TBXAS1: variants seen among roughly 807,000 people sequenced by gnomAD.
TBXAS1 encodes the protein thromboxane A synthase 1.
Under a neutral mutation model 60.7 loss-of-function variants are expected in TBXAS1, and 48 were observed. The ratio of observed to expected loss-of-function variants is 0.79; its 90% CI spans 0.63 to 1.01. The LOEUF (loss-of-function observed/expected upper bound fraction) is 1.01, where lower values mean the gene tolerates loss of function less well. Ranked by LOEUF, TBXAS1 falls within the 50% of genes least tolerant of loss-of-function variation. TBXAS1 has a pLI of 0.00. For missense variants in TBXAS1, 685 were observed against 686.3 expected (o/e 1.00, Z 0.02); for synonymous variants, 287 against 269.7 (o/e 1.06, Z -0.63).
intron 9 of TBXAS1, among the ~76,000 whole-genome samples, chr7:139,983,443 G>A (rs1333072592): frequency 6.6e-6 from 1 of 152,216 alleles, no homozygotes; most frequent in Non-Finnish European, 1.5e-5. Flanking sequence ...GAGGCTCAGA[G>A]AGGTTAAGTG....
upstream of TBXAS1, among the ~76,000 whole-genome samples, chr7:139,826,587 T>C (rs1471655861): frequency 1.3e-5 from 2 of 152,218 alleles, no homozygotes; most frequent in African/African-American, 4.8e-5. Context: ...GCTTCCACGT[T>C]TGAATATAAT....
chr7:139,919,394 G>A (rs1245331411), intron 4 of TBXAS1, among the ~76,000 whole-genome samples: 1 of 152,162 alleles, frequency 6.6e-6, no homozygotes, highest in Non-Finnish European at 1.5e-5. Flanking sequence ...AACCACTGAG[G>A]TATAACACTA....
intron 3 of TBXAS1, among the ~76,000 whole-genome samples, chr7:139,890,724 T>G (rs961608624): frequency 2.6e-5 from 4 of 152,198 alleles, no homozygotes; most frequent in African/African-American, 9.6e-5. Flanking sequence ...TAATTACTAA[T>G]TACCTCCATT....
intron 1 of TBXAS1, among the ~76,000 whole-genome samples, chr7:139,850,543 G>A (rs1226794600): frequency 6.6e-6 from 1 of 152,150 alleles, no homozygotes; most frequent in Admixed American, 6.5e-5. Flanking sequence ...CAGTTCTGAT[G>A]GTCTTTGCAC....
At chr7:139,951,467 G>A (rs2117298344) in intron 5 of TBXAS1, among the ~76,000 whole-genome samples, 1 of 151,674 alleles carries the variant, frequency 6.6e-6, no homozygotes, top group South Asian at 2.1e-4. Context: ...CCATTGAAAG[G>A]ATGGGGGCAG....
chr7:139,977,632 G>C (rs907405935), intron 9 of TBXAS1, among the ~76,000 whole-genome samples: 35 of 152,126 alleles, frequency 2.3e-4, no homozygotes, highest in African/African-American at 7.5e-4. Context: ...AATGCTTCTG[G>C]CTGCCAGGGG....
intron 8 of TBXAS1, among the ~76,000 whole-genome samples, chr7:139,961,026 C>A (rs946437322): frequency 1.3e-5 from 2 of 152,016 alleles, no homozygotes; most frequent in African/African-American, 4.8e-5. Flanking sequence ...TAGAAACACT[C>A]CTATTGTTAC....
At chr7:139,920,833 A>T (rs866290008) in intron 4 of TBXAS1, among the ~76,000 whole-genome samples, 12 of 152,312 alleles carry the variant, frequency 7.9e-5, no homozygotes, top group Middle Eastern at 6.8e-3. Context: ...TGCTCCCATG[A>T]GTGCAGTAGG....
intron 9 of TBXAS1, among the ~76,000 whole-genome samples, chr7:139,978,308 G>C (rs548807218): frequency 4.0e-5 from 6 of 151,848 alleles, no homozygotes; most frequent in Admixed American, 3.3e-4. Flanking sequence ...CCAGGAGTTC[G>C]AGATCAGCCT....
chr7:139,819,779 A>G lies in TBXAS1; in HGVS notation c.-79-9533A>G, dbSNP rs114460894. Reference sequence around the variant, plus strand: ...TGGCCTCCTAAAGTGCTGGAATTGCAGGTATGAGCCACCACTCTCAGCCTC... The same window carrying G: ...TGGCCTCCTAAAGTGCTGGAATTGCGGGTATGAGCCACCACTCTCAGCCTC... On this transcript the variant is annotated intron_variant, in intron 4 of 16. Coordinates refer to the TBXAS1 transcript ENST00000336425. Among the ~76,000 whole-genome samples, 1,100 of 152,170 alleles carry G rather than the reference A, an allele frequency of 7.2e-3. 11 individuals are homozygous for G. Among genetic ancestry groups the G allele is most frequent in the African/African-American group, 0.025 (1,020 of 41,514 alleles).
At chr7:139,822,692 G>C (rs116324361) in intron 4 of TBXAS1, among the ~76,000 whole-genome samples, 1 of 152,038 alleles carries the variant, frequency 6.6e-6, no homozygotes, top group Admixed American at 6.6e-5. Context: ...GATCCTTGAC[G>C]TCCCCCTCTT....
At chr7:139,781,004 C>T (rs368846820) in intron 2 of TBXAS1, among the ~76,000 whole-genome samples, 4 of 152,264 alleles carry the variant, frequency 2.6e-5, no homozygotes, top group Admixed American at 6.5e-5. Context: ...TTGTGTCAAC[C>T]GAAAACATTT....
intron 9 of TBXAS1, among the ~76,000 whole-genome samples, chr7:139,974,343 G>A (rs1038287207): frequency 9.9e-5 from 15 of 152,174 alleles, no homozygotes; most frequent in African/African-American, 2.7e-4. Context: ...TGGGACACTC[G>A]GCTGGCACCA....
At chr7:139,871,787 G>C (rs1055107613) in intron 1 of TBXAS1, among the ~76,000 whole-genome samples, 5 of 152,196 alleles carry the variant, frequency 3.3e-5, no homozygotes, top group Non-Finnish European at 7.3e-5. Context: ...TGGCAGGGAG[G>C]GGTTAGTCTT....
intron 4 of TBXAS1, among the ~76,000 whole-genome samples, chr7:139,919,835 A>G (rs958570612): frequency 1.3e-5 from 2 of 152,204 alleles, no homozygotes; most frequent in Non-Finnish European, 2.9e-5. Flanking sequence ...TTGCTGGAGA[A>G]TGACCCAAGA....
intron 1 of TBXAS1, among the ~76,000 whole-genome samples, chr7:139,846,812 C>T (rs1009059162): frequency 2.0e-5 from 3 of 151,960 alleles, no homozygotes; most frequent in Non-Finnish European, 4.4e-5. Context: ...GAAGTGTCTT[C>T]GGGGGTGTTG....
At chr7:139,868,597 T>G (rs1394151360) in intron 1 of TBXAS1, among the ~76,000 whole-genome samples, 1 of 150,434 alleles carries the variant, frequency 6.6e-6, no homozygotes, top group Non-Finnish European at 1.5e-5. Context: ...GATCCTCCCA[T>G]CCCAGCCTTC....
intron 9 of TBXAS1, among the ~76,000 whole-genome samples, chr7:139,996,929 C>G (rs1218564407): frequency 2.6e-5 from 4 of 152,202 alleles, no homozygotes; most frequent in Non-Finnish European, 5.9e-5. Context: ...CTCACTTTTG[C>G]CTGGACTATT....
intron 4 of TBXAS1, among the ~76,000 whole-genome samples, chr7:139,788,017 G>A (rs1797253391): frequency 1.3e-5 from 2 of 152,150 alleles, no homozygotes; most frequent in East Asian, 1.9e-4. Context: ...AGGTCCAATA[G>A]CTACAAAATA....
Sources: allele counts gnomAD v4.1 joint callset (sites outside exome capture counted in the v4.1 genomes callset), GRCh38; gene constraint gnomAD v4.1.1; transcripts MANE v1.5; gene names NCBI Gene and HGNC (gene_info 2026-07-23, HGNC 2026-07-21).